Variants in RREB1 observed in about 807,000 individuals in gnomAD.
RREB1 encodes ras-responsive element-binding protein 1.
Under a neutral mutation model 117.8 loss-of-function variants are expected in RREB1, and 27 were observed. That is an observed-to-expected ratio of 0.23 (90% CI 0.17 to 0.32). The LOEUF is 0.32. RREB1 is among the 10% of genes least tolerant of loss of function. The pLI is 1.00. For synonymous variants in RREB1, 1,298 were observed against 1,026.7 expected (o/e 1.26, Z -5.05); for missense variants, 2,577 against 2,378.2 (o/e 1.08, Z -1.74).
At chr6:7,235,292 A>C (rs947340098) in intron 10 of RREB1, among the ~76,000 whole-genome samples, 3 of 152,160 alleles carry the variant, frequency 2.0e-5, no homozygotes, top group Non-Finnish European at 2.9e-5. Flanking sequence ...CAGCCCACAG[A>C]CCTGATCTTT....
intron 1 of RREB1, among the ~76,000 whole-genome samples, chr6:7,117,400 T>TTTTTG: frequency 3.4e-5 from 1 of 29,644 alleles, no homozygotes; most frequent in South Asian, 6.7e-4. Context: ...TTTTTTTTTT[T>TTTTTG]TTTTTTTTTT....
Position 7,211,832 on chromosome 6 carries a change from G to A in RREB1, c.707+123G>A, listed in dbSNP as rs1054213203. 4 of 1,035,530 alleles carry A rather than the reference G, an allele frequency of 3.9e-6. No homozygotes were observed. In the African/African-American group the frequency reaches 6.4e-5, roughly 17 times the overall value. 64.1% of individuals were successfully genotyped at this position (1,035,530 alleles called of 1,614,324 possible). On this transcript the variant is annotated intron_variant, in intron 8 of 12. Transcript: ENST00000379938. ...TGAACTTGGGCACAACAACATTAGG[G>A]AGGCAGTTAAGAAAGTATCGGTGTG...
chr6:7,219,907 C>T (rs1207835758), intron 8 of RREB1, among the ~76,000 whole-genome samples: 6 of 152,144 alleles, frequency 3.9e-5, no homozygotes, highest in African/African-American at 4.8e-5. Flanking sequence ...TACCCAGTGC[C>T]GCCAGGGACA....
chr6:7,120,279 C>T lies in RREB1; in HGVS notation c.-285+12219C>T, dbSNP rs77432339. Among the ~76,000 whole-genome samples the T allele has an allele frequency of 3.7e-3, 565 of 152,026 alleles. 2 individuals carry two copies. Among genetic ancestry groups the T allele is most frequent in the East Asian group, 0.013 (68 of 5,158 alleles). On this transcript the variant is annotated intron_variant, in intron 1 of 12. Coordinates refer to ENST00000379938, the MANE Select transcript of RREB1 (RefSeq NM_001003699.4). ...TGGCCTGGACAACAAGGTAAAAAAC[C>T]CTGTATCTACAAAAAAATACAAACC...
intron 6 of RREB1, among the ~76,000 whole-genome samples, chr6:7,194,233 A>C (rs2113568984): frequency 6.6e-6 from 1 of 152,078 alleles, no homozygotes; most frequent in East Asian, 1.9e-4. Flanking sequence ...TGTATTTTGG[A>C]GTTGTTTATA....
chr6:7,185,526 T>TGA (rs1765041069), intron 4 of RREB1, among the ~76,000 whole-genome samples: 4 of 151,876 alleles, frequency 2.6e-5, no homozygotes, highest in Admixed American at 6.6e-5. Flanking sequence ...GCCAAGATCG[T>TGA]GCCACTGTAC....
chr6:7,125,972 C>T (rs543629891), intron 1 of RREB1, among the ~76,000 whole-genome samples: 6 of 146,958 alleles, frequency 4.1e-5, no homozygotes, highest in Admixed American at 1.4e-4. Context: ...TTCCTGTCTG[C>T]GGAGAAGGAC....
chr6:7,194,923 C>T (rs150801891), intron 6 of RREB1, among the ~76,000 whole-genome samples: 9 of 152,254 alleles, frequency 5.9e-5, no homozygotes, highest in Non-Finnish European at 1.0e-4. Context: ...CCTCTGTGTC[C>T]TAATTACTTC....
In RREB1 at chr6:7,230,206, A is replaced by G; in HGVS notation, c.2107A>G (p.Ile703Val). 6.2e-7 allele frequency: 1 copy of G among 1,605,434 alleles called. No homozygotes were observed. Among genetic ancestry groups the G allele is most frequent in the Non-Finnish European group, 8.5e-7 (1 of 1,179,880 alleles). ...HSGERPYICK[I>V]CHYPFTVKAN... is the part of the protein sequence containing the mutation. ...TGGGGAGCGGCCCTACATTTGCAAGATCTGCCACTACCCCTTCACTGTCAA... is the reference window on the plus strand; with the variant it reads ...TGGGGAGCGGCCCTACATTTGCAAGGTCTGCCACTACCCCTTCACTGTCAA... Residue 703 changes from isoleucine (I) to valine (V), a missense_variant, in exon 10 of 13, where the codon ATC (isoleucine) becomes GTC (valine). Ile to Val is a conservative substitution (Grantham distance 29). Transcript: ENST00000379938.
At position 7,231,004 on chromosome 6, in the gene RREB1, C is replaced by T. The variant is rs114810122; in HGVS notation, c.2905C>T (p.Pro969Ser). The T allele has an allele frequency of 3.8e-4, 612 of 1,614,168 alleles. 3 individuals carry two copies. In the African/African-American group the frequency reaches 7.6e-3, roughly 20 times the overall value. The change falls in exon 10 of 13, where the codon CCC (proline) becomes TCC (serine). Residue 969 changes from proline (P) to serine (S), a missense_variant. Physicochemically the swap from Pro to Ser is moderately conservative, Grantham distance 74. Coordinates refer to ENST00000379938, the MANE Select transcript of RREB1 (RefSeq NM_001003699.4). Reference protein sequence around the residue: ...PEEEAGSSEQPSPCPAPGPSL... With the variant: ...PEEEAGSSEQSSPCPAPGPSL... ...GGAGGAGGCGGGGAGCAGCGAGCAG[C>T]CCTCTCCCTGCCCAGCACCCGGCCC...
chr6:7,211,542 T>G, intron 7 of RREB1, 31 bp from the exon 8 acceptor site: 1 of 1,611,914 alleles, frequency 6.2e-7, no homozygotes, highest in Non-Finnish European at 8.5e-7. Flanking sequence ...TGGGAGACCT[T>G]CATGACTTCA....
At chr6:7,196,617 A>G (rs1036903523) in intron 6 of RREB1, among the ~76,000 whole-genome samples, 11 of 152,266 alleles carry the variant, frequency 7.2e-5, no homozygotes, top group African/African-American at 2.4e-4. Flanking sequence ...ATCTTTTAAA[A>G]GTAATTATAT....
Position 7,223,682 on chromosome 6 carries a change from A to G in RREB1, c.708-2785A>G, listed in dbSNP as rs148517036. Among the ~76,000 whole-genome samples, 537 of 152,270 alleles carry G rather than the reference A, an allele frequency of 3.5e-3. 1 individual carries two copies. The highest frequency in any genetic ancestry group is 0.017 in the Middle Eastern group (5 of 294). On this transcript the variant is annotated intron_variant, in intron 8 of 12. Transcript: ENST00000379938. ...GTAATGTGCCTGGCACATTACATAT[A>G]TGCAAATACATATGTACATAAATAC...
intron 1 of RREB1, among the ~76,000 whole-genome samples, chr6:7,146,412 G>A (rs1204749170): frequency 6.6e-6 from 1 of 152,094 alleles, no homozygotes; most frequent in Non-Finnish European, 1.5e-5. Context: ...GACGGAGAAG[G>A]AAGTGTGTGC....
chr6:7,151,385 G>C (rs1241579807), intron 1 of RREB1, among the ~76,000 whole-genome samples: 1 of 152,184 alleles, frequency 6.6e-6, no homozygotes, highest in Non-Finnish European at 1.5e-5. Context: ...GACAATGCCT[G>C]CTTTTATCTA....
chr6:7,110,466 T>C (rs1045592800), intron 1 of RREB1, among the ~76,000 whole-genome samples: 8 of 95,158 alleles, frequency 8.4e-5, no homozygotes, highest in Admixed American at 5.3e-4. Context: ...ACAGAATCAC[T>C]AATTTTAGGG....
At chr6:7,207,508 G>T (rs541069898) in intron 6 of RREB1, among the ~76,000 whole-genome samples, 2 of 152,340 alleles carry the variant, frequency 1.3e-5, no homozygotes, top group Admixed American at 6.5e-5. Flanking sequence ...GATTGTGATT[G>T]ACAACAAACT....
intron 1 of RREB1, among the ~76,000 whole-genome samples, chr6:7,156,838 CCT>C (rs1554118864): frequency 2.6e-5 from 4 of 152,144 alleles, no homozygotes; most frequent in Non-Finnish European, 5.9e-5. Flanking sequence ...GTGTACGTAC[CCT>C]GAGTAGGAGG....
intron 4 of RREB1, chr6:7,183,409 CT>C (rs1306697358): frequency 3.3e-5 from 5 of 152,286 alleles, no homozygotes; most frequent in African/African-American, 9.6e-5. Context: ...CTATATCCAG[CT>C]AGCTACTGTA....
Sources: allele counts gnomAD v4.1 joint callset (sites outside exome capture counted in the v4.1 genomes callset), GRCh38; gene constraint gnomAD v4.1.1; transcripts MANE v1.5; gene names NCBI Gene and HGNC (gene_info 2026-07-23, HGNC 2026-07-21).